NAV1: variants seen among roughly 807,000 people sequenced by gnomAD.
NAV1 encodes the protein pore membrane and/or filament interacting like protein 3.
A neutral mutation model predicts 175.2 loss-of-function variants in NAV1; 18 were observed. The ratio of observed to expected loss-of-function variants is 0.10; its 90% CI spans 0.07 to 0.15. The LOEUF (loss-of-function observed/expected upper bound fraction) is 0.15, where lower values mean the gene tolerates loss of function less well. NAV1 is among the 10% of genes least tolerant of loss of function. The pLI is 1.00. For missense variants in NAV1, 1,731 were observed against 2,436.6 expected (o/e 0.71, Z 6.10); for synonymous variants, 897 against 978.7 (o/e 0.92, Z 1.56).
intron 2 of NAV1, among the ~76,000 whole-genome samples, chr1:201,597,979 G>C (rs1368121850): frequency 6.6e-6 from 1 of 152,234 alleles, no homozygotes; most frequent in East Asian, 1.9e-4. Flanking sequence ...GGATGCCTGG[G>C]CGTCAAGATG....
At position 201,818,528 on chromosome 1, in the gene NAV1, CA is replaced by C. The variant is rs373302622; in HGVS notation, c.5538+1259del. Among the ~76,000 whole-genome samples, 346 of 93,762 alleles carry C rather than the reference CA, an allele frequency of 3.7e-3. 1 individual carries two copies. Among genetic ancestry groups the C allele is most frequent in the East Asian group, 0.011 (43 of 3,740 alleles). The allele number at this position is 93,762 out of a possible 152,430, so 61.5% of individuals were successfully genotyped here. A position where few individuals can be genotyped will look rare whatever the true frequency, so the allele number is the denominator to read the frequency against. On this transcript the variant is annotated intron_variant, in intron 29 of 29. Transcript: ENST00000367296. ...CTGGCGACAGAGCGAGACTCCCTCT[CA>C]AAAAAAAAAAAAAAAGATATGAGTA...
chr1:201,605,726 C>G (rs539897744), intron 2 of NAV1, among the ~76,000 whole-genome samples: 1 of 152,138 alleles, frequency 6.6e-6, no homozygotes, highest in African/African-American at 2.4e-5. Flanking sequence ...TTCCAATAAG[C>G]CATAGGTGTG....
At chr1:201,795,315 A>G (rs1474303255) in intron 15 of NAV1, 1 of 152,222 alleles carries the variant, frequency 6.6e-6, no homozygotes, top group African/African-American at 2.4e-5. Context: ...TCCCCACTCC[A>G]TGCGTTTATA....
At chr1:201,732,544 C>A (rs1245709396) in intron 3 of NAV1, among the ~76,000 whole-genome samples, 1 of 152,106 alleles carries the variant, frequency 6.6e-6, no homozygotes, top group East Asian at 1.9e-4. Context: ...AGTAGAGTAG[C>A]AAAGTAGATG....
intron 28 of NAV1, among the ~76,000 whole-genome samples, chr1:201,815,583 G>T (rs1358534225): frequency 6.6e-6 from 1 of 152,126 alleles, no homozygotes; most frequent in Admixed American, 6.5e-5. Context: ...TGGGCAGGGG[G>T]GTAGGTGAGT....
chr1:201,734,499 G>GAGAAGA (rs60196611), intron 3 of NAV1, among the ~76,000 whole-genome samples: 3,817 of 121,182 alleles, frequency 0.031, 130 homozygotes, highest in South Asian at 0.058. Flanking sequence ...GAAGGAGAAG[G>GAGAAGA]AGAAGAAGAA....
chr1:201,678,259 A>T (rs1231727115), intron 1 of NAV1, among the ~76,000 whole-genome samples: 1 of 152,146 alleles, frequency 6.6e-6, no homozygotes, highest in Admixed American at 6.5e-5. Flanking sequence ...CGGGCCTCCT[A>T]CCTCTCAACG....
At chr1:201,809,996 G>A (rs1201103224) in exon 23 of NAV1, 1 of 1,613,868 alleles carries the variant, frequency 6.2e-7, no homozygotes, top group East Asian at 2.2e-5. Context: ...TAAGCACTGA[G>A]TCCATCCATG....
intron 28 of NAV1, among the ~76,000 whole-genome samples, chr1:201,816,674 C>CG (rs1679051674): frequency 9.7e-6 from 1 of 102,860 alleles, no homozygotes; most frequent in African/African-American, 3.8e-5. Flanking sequence ...AGGAAGTGCA[C>CG]TTTTTTTTTT....
chr1:201,612,378 C>T (rs1667873351), intron 2 of NAV1, among the ~76,000 whole-genome samples: 1 of 152,164 alleles, frequency 6.6e-6, no homozygotes, highest in Non-Finnish European at 1.5e-5. Context: ...TGCTTGAGCC[C>T]AGGAGGCTGA....
At chr1:201,582,721 G>A (rs911749735) in intron 1 of NAV1, among the ~76,000 whole-genome samples, 18 of 152,344 alleles carry the variant, frequency 1.2e-4, no homozygotes, top group African/African-American at 3.6e-4. Flanking sequence ...GTGGGCTTAC[G>A]TGAGGAAGCC....
At chr1:201,790,836 G>T (rs1057063308) in intron 13 of NAV1, 70 bp downstream of exon 17, 14 of 1,503,640 alleles carry the variant, frequency 9.3e-6, no homozygotes, top group Non-Finnish European at 1.2e-5. Context: ...TCAGCCAAGG[G>T]AGGAAAACTA....
At chr1:201,742,531 T>C (rs1673491204) in intron 3 of NAV1, among the ~76,000 whole-genome samples, 2 of 152,126 alleles carry the variant, frequency 1.3e-5, no homozygotes, top group African/African-American at 4.8e-5. Flanking sequence ...GGAGACTCCT[T>C]CTCTTCCTGT....
At chr1:201,823,684 T>C (rs532836881) in exon 30 of NAV1, 3 of 152,346 alleles carry the variant, frequency 2.0e-5, no homozygotes, top group African/African-American at 7.2e-5. Flanking sequence ...GATCTATCCA[T>C]ATTCCTTAAG....
intron 1 of NAV1, among the ~76,000 whole-genome samples, chr1:201,650,431 C>G (rs1669153485): frequency 6.6e-6 from 1 of 152,208 alleles, no homozygotes; most frequent in African/African-American, 2.4e-5. Flanking sequence ...CCCAGGCGAG[C>G]TGCTTTGGCT....
chr1:201,709,846 A>G (rs764745569), intron 1 of NAV1, among the ~76,000 whole-genome samples: 8 of 152,168 alleles, frequency 5.3e-5, no homozygotes, highest in Non-Finnish European at 1.0e-4. Context: ...TTCCATTCGC[A>G]TCTCTGTGAT....
chr1:201,623,529 T>C (rs1018582183), exon 1 of NAV1: 1 of 986,022 alleles, frequency 1.0e-6, no homozygotes. Flanking sequence ...CCTCTCCCTC[T>C]CCGGGGGCCA....
intron 1 of NAV1, among the ~76,000 whole-genome samples, chr1:201,546,821 T>C (rs1025626353): frequency 4.6e-5 from 7 of 150,842 alleles, no homozygotes; most frequent in Non-Finnish European, 1.0e-4. Context: ...GGAGAATCAC[T>C]TGAACCCGGG....
chr1:201,718,403 A>G lies in NAV1; in HGVS notation c.874A>G (p.Thr292Ala). 1 of 1,539,986 alleles carries G rather than the reference A, an allele frequency of 6.5e-7. No homozygotes were observed. The highest frequency in any genetic ancestry group is 8.8e-7 in the Non-Finnish European group (1 of 1,138,072). ...CTCTCCACCCAGCTCCCTGGAGATG[A>G]CCTGCTACGACAGCGATGATGCCAA... Residue 292 changes from threonine (T) to alanine (A), a missense_variant, in exon 3 of 30, where the codon ACC becomes GCC. Transcript: ENST00000367296. The surrounding 1 kb of genome is among the most constrained non-coding windows in gnomAD (Gnocchi z 4.8).
Sources: gnomAD v4.1 joint callset for allele counts (sites outside exome capture counted in the v4.1 genomes callset) on GRCh38, gnomAD v4.1.1 for gene constraint, Gnocchi (gnomAD v3.1) non-coding constraint, MANE v1.5 for transcripts, NCBI Gene and HGNC (gene_info 2026-07-23, HGNC 2026-07-21) for gene names.